MECOM: variants seen among roughly 807,000 people sequenced by gnomAD.
The protein encoded by MECOM is MDS1 and EVI1 complex locus, also known as histone-lysine N-methyltransferase MECOM.
MECOM carries 13 observed loss-of-function variants against 116.3 expected under a neutral mutation model. The observed-to-expected ratio is 0.11, with a 90% confidence interval of 0.07 to 0.18. The LOEUF (loss-of-function observed/expected upper bound fraction) is 0.18. Among genes scored for constraint, MECOM ranks in the 10% least tolerant of loss-of-function variants. MECOM has a pLI of 1.00. For missense variants in MECOM, 1,299 were observed against 1,509.0 expected (o/e 0.86, Z 2.31); for synonymous variants, 528 against 535.2 (o/e 0.99, Z 0.19).
At chr3:169,236,422 A>G (rs910133069) in intron 2 of MECOM, among the ~76,000 whole-genome samples, 5 of 152,222 alleles carry the variant, frequency 3.3e-5, no homozygotes, top group African/African-American at 9.6e-5. Flanking sequence ...TATTTGCTAA[A>G]CATGAGTAAA....
chr3:169,322,097 C>A (rs1297109578), intron 2 of MECOM, among the ~76,000 whole-genome samples: 5 of 152,122 alleles, frequency 3.3e-5, no homozygotes, highest in Non-Finnish European at 7.3e-5. Flanking sequence ...TCATTTATTT[C>A]TGAACTATAA....
chr3:169,400,955 A>G (rs1451448786), intron 1 of MECOM, among the ~76,000 whole-genome samples: 1 of 152,180 alleles, frequency 6.6e-6, no homozygotes, highest in East Asian at 1.9e-4. Context: ...GAAGCTCCAG[A>G]TCTCAAATAT....
At chr3:169,366,381 T>A (rs893396902) in intron 2 of MECOM, among the ~76,000 whole-genome samples, 4 of 151,722 alleles carry the variant, frequency 2.6e-5, no homozygotes, top group African/African-American at 9.7e-5. Flanking sequence ...ATTGCAATAA[T>A]ACTACCTCAA....
intron 1 of MECOM, among the ~76,000 whole-genome samples, chr3:169,543,234 G>A (rs1760315252): frequency 6.6e-6 from 1 of 152,126 alleles, no homozygotes; most frequent in Admixed American, 6.5e-5. Flanking sequence ...ATAAATGCAA[G>A]CAAATATTTA....
In MECOM at chr3:169,623,399, A is replaced by G. The variant is rs188028016; in HGVS notation, c.37+39937T>C. Among the ~76,000 whole-genome samples, 98 of 152,354 alleles carry G rather than the reference A, an allele frequency of 6.4e-4. 2 individuals carry two copies. Among genetic ancestry groups the G allele is most frequent in the African/African-American group, 2.3e-3 (95 of 41,596 alleles). ...AAGAATGATAATTTTCCAAAACTAC[A>G]AAAGTTTCACTGAACAAGCAATTAA... On this transcript the variant is annotated intron_variant, in intron 1 of 16. Coordinates refer to ENST00000651503, the MANE Select transcript of MECOM (RefSeq NM_004991.4).
At chr3:169,466,863 T>G (rs149284784) in intron 1 of MECOM, among the ~76,000 whole-genome samples, 1 of 152,354 alleles carries the variant, frequency 6.6e-6, no homozygotes, top group African/African-American at 2.4e-5. Flanking sequence ...AGCCTCCAAT[T>G]GAATAAACAC....
chr3:169,651,517 T>C (rs1430498957), intron 1 of MECOM, among the ~76,000 whole-genome samples: 1 of 152,202 alleles, frequency 6.6e-6, no homozygotes, highest in Non-Finnish European at 1.5e-5. Context: ...GATTGGAGAC[T>C]ATTATTCTAA....
chr3:169,271,367 G>A (rs1467685917), intron 2 of MECOM, among the ~76,000 whole-genome samples: 1 of 152,138 alleles, frequency 6.6e-6, no homozygotes, highest in Non-Finnish European at 1.5e-5. Context: ...AATACCCAAT[G>A]TTTCAACAAT....
rs1195781085 is a variant in MECOM, at chr3:169,116,045, T to C, written c.1827A>G (p.Lys609=). The C allele has an allele frequency of 6.2e-7, 1 of 1,614,186 alleles. No individual in the cohort carries two copies. Residue 609 remains lysine (K), a synonymous_variant, in exon 8 of 17, where the codon AAA becomes AAG. Transcript: ENST00000651503. ...SDLESDIESD[K]EKFKENGKMF... ...TTTTACCATTTTCTTTAAATTTCTCTTTATCACTTTCAATGTCACTTTCCA... is the reference window on the plus strand; with the variant it reads ...TTTTACCATTTTCTTTAAATTTCTCCTTATCACTTTCAATGTCACTTTCCA...
chr3:169,375,490 A>AAG, intron 2 of MECOM, among the ~76,000 whole-genome samples: 1 of 152,256 alleles, frequency 6.6e-6, no homozygotes, highest in East Asian at 1.9e-4. Flanking sequence ...AAAAATGATA[A>AAG]AGGGCATATC....
chr3:169,561,589 G>T (rs1288234577), intron 1 of MECOM, among the ~76,000 whole-genome samples: 1 of 152,100 alleles, frequency 6.6e-6, no homozygotes, highest in East Asian at 1.9e-4. Context: ...ATATGCATGG[G>T]ATAGCTAAAC....
intron 2 of MECOM, among the ~76,000 whole-genome samples, chr3:169,172,248 T>C (rs541976756): frequency 2.0e-5 from 3 of 150,076 alleles, no homozygotes; most frequent in African/African-American, 7.2e-5. Flanking sequence ...CCAATAAACA[T>C]GGATTTAACT....
chr3:169,663,325 A>G lies in MECOM; in HGVS notation c.37+11T>C. The G allele has an allele frequency of 6.2e-7, 1 of 1,607,410 alleles. No homozygotes were observed. Among genetic ancestry groups the G allele is most frequent in the South Asian group, 1.1e-5 (1 of 89,350 alleles). On this transcript the variant is annotated intron_variant, in intron 1 of 16. Coordinates refer to ENST00000651503, the MANE Select transcript of MECOM (RefSeq NM_004991.4). Reference sequence around the variant, plus strand: ...GGGGAAAAGCCAATAGAAAAGGGATATTGCACCTACTTGTGGCCAGTTTCC... The same window carrying G: ...GGGGAAAAGCCAATAGAAAAGGGATGTTGCACCTACTTGTGGCCAGTTTCC...
At chr3:169,447,388 C>A (rs1415128053) in intron 1 of MECOM, among the ~76,000 whole-genome samples, 2 of 151,988 alleles carry the variant, frequency 1.3e-5, no homozygotes, top group Non-Finnish European at 2.9e-5. Context: ...GGATGTGAGG[C>A]TTTGTAGGTT....
chr3:169,321,153 T>C (rs976712216), intron 2 of MECOM, among the ~76,000 whole-genome samples: 1 of 152,238 alleles, frequency 6.6e-6, no homozygotes, highest in African/African-American at 2.4e-5. Context: ...GTACAGTCTA[T>C]GCTCAAGAAG....
chr3:169,507,404 T>C (rs1318759167), intron 1 of MECOM, among the ~76,000 whole-genome samples: 2 of 152,188 alleles, frequency 1.3e-5, no homozygotes, highest in African/African-American at 4.8e-5. Flanking sequence ...ACCTCCTTCA[T>C]GCCTTCATTC....
chr3:169,360,047 C>T (rs1430437), intron 2 of MECOM, among the ~76,000 whole-genome samples: 4,190 of 151,638 alleles, frequency 0.028, 198 homozygotes, highest in African/African-American at 0.096. Flanking sequence ...CCTTCAAGTT[C>T]TTCCTTGAGG....
At chr3:169,092,494 T>C (rs985143723) in intron 14 of MECOM, among the ~76,000 whole-genome samples, 3 of 152,010 alleles carry the variant, frequency 2.0e-5, no homozygotes, top group African/African-American at 7.2e-5. Context: ...TTACCTGTAA[T>C]ATATATAATT....
At chr3:169,644,992 T>G (rs1773986536) in intron 1 of MECOM, among the ~76,000 whole-genome samples, 1 of 152,202 alleles carries the variant, frequency 6.6e-6, no homozygotes, top group East Asian at 1.9e-4. Context: ...CACAAATGAC[T>G]GTGTTTCTCA....
Sources: allele counts gnomAD v4.1 joint callset (sites outside exome capture counted in the v4.1 genomes callset), GRCh38; gene constraint gnomAD v4.1.1; transcripts MANE v1.5; gene names NCBI Gene and HGNC (gene_info 2026-07-23, HGNC 2026-07-21).